The following MYO16 variants were observed in gnomAD, a reference collection of about 807,000 sequenced individuals.
MYO16 encodes myosin XVI.
MYO16 carries 94 observed loss-of-function variants against 205.3 expected under a neutral mutation model. That is an observed-to-expected ratio of 0.46 (90% confidence interval 0.39 to 0.54). The LOEUF (loss-of-function observed/expected upper bound fraction) is 0.54. Among genes scored for constraint, MYO16 ranks in the 20% least tolerant of loss-of-function variants. The pLI is 0.00. For missense variants in MYO16, 2,315 were observed against 2,387.5 expected (o/e 0.97, Z 0.63); for synonymous variants, 988 against 954.0 (o/e 1.04, Z -0.66).
the MYO16 span, among the ~76,000 whole-genome samples, chr13:108,516,920 ATGTTTTGTTTTGTTT>A: frequency 6.6e-6 from 1 of 151,124 alleles, no homozygotes. Context: ...TTGAGTAATT[ATGTTTTGTTTTGTTT>A]TGTTTTGTTT....
intron 5 of MYO16, among the ~76,000 whole-genome samples, chr13:108,791,355 T>C (rs2138938820): frequency 6.6e-6 from 1 of 152,362 alleles, no homozygotes; most frequent in Admixed American, 6.5e-5. Flanking sequence ...GACCAAATAA[T>C]AGTATATGAC....
At chr13:108,989,140 G>T (rs1365473800) in intron 20 of MYO16, among the ~76,000 whole-genome samples, 2 of 152,006 alleles carry the variant, frequency 1.3e-5, no homozygotes, top group African/African-American at 4.8e-5. Flanking sequence ...TCACCTCCAG[G>T]TCTACCATCT....
chr13:108,833,382 GA>G (rs923699144), intron 9 of MYO16, among the ~76,000 whole-genome samples: 3 of 151,248 alleles, frequency 2.0e-5, no homozygotes, highest in Non-Finnish European at 2.9e-5. Context: ...TATAGAAGCA[GA>G]AAAAAAACAA....
chr13:108,589,557 A>T, the MYO16 span, among the ~76,000 whole-genome samples: 1 of 152,158 alleles, frequency 6.6e-6, no homozygotes, highest in South Asian at 2.1e-4. Flanking sequence ...CCAGTGCAGA[A>T]CTGTCTTCAA....
At chr13:108,638,683 G>T (rs112334885) in intron 1 of MYO16, among the ~76,000 whole-genome samples, 1 of 151,952 alleles carries the variant, frequency 6.6e-6, no homozygotes, top group Non-Finnish European at 1.5e-5. Context: ...ATTCACTCAC[G>T]CCAGACATTC....
At chr13:109,183,896 A>G (rs549065409) in intron 34 of MYO16, among the ~76,000 whole-genome samples, 1 of 152,354 alleles carries the variant, frequency 6.6e-6, no homozygotes, top group South Asian at 2.1e-4. Flanking sequence ...TTCACATCAA[A>G]AAGCAAATTG....
At chr13:109,002,116 C>T (rs1336983875) in intron 21 of MYO16, among the ~76,000 whole-genome samples, 5 of 152,256 alleles carry the variant, frequency 3.3e-5, no homozygotes, top group East Asian at 1.9e-4. Flanking sequence ...TGCCTGCACC[C>T]CACTCCAATT....
intron 1 of MYO16, among the ~76,000 whole-genome samples, chr13:108,598,158 A>G (rs1325711441): frequency 6.6e-6 from 1 of 152,204 alleles, no homozygotes; most frequent in Non-Finnish European, 1.5e-5. Flanking sequence ...TTATTCCACA[A>G]ATATTTATTG....
the MYO16 span, among the ~76,000 whole-genome samples, chr13:108,584,999 A>G: frequency 2.0e-5 from 3 of 152,166 alleles, no homozygotes; most frequent in African/African-American, 7.2e-5. Context: ...TATGAGCAAG[A>G]TCTTATTTTC....
upstream of MYO16, among the ~76,000 whole-genome samples, chr13:108,627,610 T>C (rs1207108166): frequency 6.6e-6 from 1 of 152,158 alleles, no homozygotes; most frequent in East Asian, 1.9e-4. Context: ...AATGAGCCCC[T>C]GGAGATGAGA....
chr13:108,590,614 G>C, the MYO16 span, among the ~76,000 whole-genome samples: 3 of 152,182 alleles, frequency 2.0e-5, no homozygotes, highest in Admixed American at 2.0e-4. Flanking sequence ...GCCAATGACT[G>C]ATGTTCTTAT....
intron 28 of MYO16, among the ~76,000 whole-genome samples, chr13:109,118,370 A>G (rs1372275315): frequency 6.6e-6 from 1 of 152,164 alleles, no homozygotes; most frequent in East Asian, 1.9e-4. Flanking sequence ...TAGAAATGCC[A>G]CTGTAAGAGA....
intron 10 of MYO16, among the ~76,000 whole-genome samples, chr13:108,854,461 G>A (rs1878064137): frequency 1.3e-5 from 2 of 152,028 alleles, no homozygotes; most frequent in African/African-American, 4.8e-5. Context: ...ACACTACATA[G>A]ACATGATAAG....
the MYO16 span, among the ~76,000 whole-genome samples, chr13:108,548,829 C>G: frequency 2.6e-5 from 4 of 152,132 alleles, no homozygotes; most frequent in South Asian, 4.1e-4. Flanking sequence ...TTGTAACTAG[C>G]CTTACTAGTA....
the MYO16 span, among the ~76,000 whole-genome samples, chr13:108,560,374 T>G: frequency 3.6e-4 from 55 of 152,348 alleles, no homozygotes; most frequent in Non-Finnish European, 7.5e-4. Flanking sequence ...GATTCAGTTG[T>G]ACACAGGGAT....
the MYO16 span, among the ~76,000 whole-genome samples, chr13:108,565,912 G>A: frequency 1.3e-5 from 2 of 151,496 alleles, no homozygotes; most frequent in African/African-American, 2.4e-5. Flanking sequence ...TTTATCAAAT[G>A]TATTGTTGAA....
intron 4 of MYO16, among the ~76,000 whole-genome samples, chr13:108,762,217 A>G (rs76540972): frequency 0.028 from 4,250 of 152,252 alleles, 184 homozygotes; most frequent in African/African-American, 0.097. Flanking sequence ...GTCTATAAAT[A>G]CCACATTTTC....
intron 3 of MYO16, among the ~76,000 whole-genome samples, chr13:108,726,131 C>T (rs574626768): frequency 6.6e-6 from 1 of 152,206 alleles, no homozygotes; most frequent in South Asian, 2.1e-4. Context: ...GAAATCTGTT[C>T]TATGCATACA....
intron 12 of MYO16, among the ~76,000 whole-genome samples, chr13:108,880,313 G>T (rs1014175840): frequency 1.3e-5 from 2 of 152,146 alleles, no homozygotes; most frequent in Non-Finnish European, 2.9e-5. Flanking sequence ...TCTGTAGGTT[G>T]CCTGTTCACT....
Sources: gnomAD v4.1 joint callset for allele counts (sites outside exome capture counted in the v4.1 genomes callset) on GRCh38, gnomAD v4.1.1 for gene constraint, MANE v1.5 for transcripts, NCBI Gene and HGNC (gene_info 2026-07-23, HGNC 2026-07-21) for gene names.